PIK3C2A: variants seen among roughly 807,000 people sequenced by gnomAD.
The protein encoded by PIK3C2A is phosphatidylinositol-4-phosphate 3-kinase catalytic subunit type 2 alpha, also known as phosphatidylinositol 4-phosphate 3-kinase C2 domain-containing subunit alpha.
PIK3C2A carries 97 observed loss-of-function variants against 204.5 expected under a neutral mutation model. That is an observed-to-expected ratio of 0.47 (90% CI 0.40 to 0.56). PIK3C2A has a LOEUF of 0.56. Ranked by LOEUF, PIK3C2A falls within the 20% of genes least tolerant of loss-of-function variation. PIK3C2A has a pLI of 0.00. For synonymous variants in PIK3C2A, 653 were observed against 664.4 expected, an observed-to-expected ratio of 0.98 and a Z score of 0.26; for missense variants, 1,735 against 1,969.2, an observed-to-expected ratio of 0.88 and a Z score of 2.25.
Position 17,202,340 on chromosome 11 carries a change from G to A in PIK3C2A, c.-66+5508C>T, listed in dbSNP as rs532349021. ...GGTGGCTTATGCCTGTAATCTCAGC[G>A]CTTTAGGAGGCCAAGGTGGGCCCAG... On this transcript the variant is annotated intron_variant, in intron 1 of 32. Coordinates refer to ENST00000691414, the MANE Select transcript of PIK3C2A (RefSeq NM_002645.4). Among the ~76,000 whole-genome samples, 169 of 151,638 alleles carry A rather than the reference G, an allele frequency of 1.1e-3. 2 individuals carry two copies. The highest frequency in any genetic ancestry group is 6.9e-3 in the Middle Eastern group (2 of 288).
intron 3 of PIK3C2A, among the ~76,000 whole-genome samples, chr11:17,153,857 T>C (rs562708681): frequency 6.6e-6 from 1 of 152,254 alleles, no homozygotes; most frequent in East Asian, 1.9e-4. Flanking sequence ...CACTGCAAAA[T>C]GAGCACAATG....
rs1179020485 is a variant in PIK3C2A, at chr11:17,114,381, C to T, written c.3301G>A (p.Ala1101Thr). The T allele has an allele frequency of 2.6e-6, 4 of 1,527,094 alleles. No individual in the cohort carries two copies. The East Asian group carries it at 6.8e-5, about 26-fold the overall frequency. 94.6% of individuals were successfully genotyped at this position (1,527,094 alleles called of 1,614,324 possible). A position where few individuals can be genotyped will look rare whatever the true frequency, so the allele number is the denominator to read the frequency against. Reference protein sequence around the residue: ...CRLPLKPSLVAKELNIKSCSF... With the variant: ...CRLPLKPSLVTKELNIKSCSF... ...GTCACCTTAATATTTAATTCTTTTG[C>T]CACTAGACTTGGCTTGAGAGGGAGA... Residue 1101 changes from alanine to threonine, a missense_variant, in exon 20 of 33, where the codon GCA becomes ACA. Around this residue, in one of 6 missense-constraint regions of PIK3C2A, gnomAD observed 567 missense variants for 576.0 expected, o/e 0.98. Coordinates refer to ENST00000691414, the MANE Select transcript of PIK3C2A (RefSeq NM_002645.4).
At chr11:17,171,851 G>C (rs542012059) in intron 1 of PIK3C2A, among the ~76,000 whole-genome samples, 6 of 152,244 alleles carry the variant, frequency 3.9e-5, no homozygotes, top group African/African-American at 1.4e-4. Flanking sequence ...CCTCAAGCAA[G>C]CCTCCTGCCT....
chr11:17,132,315 A>ATTTTTTTTTT (rs11307715), intron 11 of PIK3C2A, among the ~76,000 whole-genome samples: 1 of 78,810 alleles, frequency 1.3e-5, no homozygotes, highest in Admixed American at 1.7e-4. Flanking sequence ...ATTAACTTTA[A>ATTTTTTTTTT]TTTTTTTTTT....
chr11:17,203,792 G>A lies in PIK3C2A; in HGVS notation c.-66+4056C>T, dbSNP rs1436275482. ...CTAGGCTCAAGAGATCCTCCTGCTG[G>A]CAGGGTACAGTGGCTCACGCCTGTA... On this transcript the variant is annotated intron_variant, in intron 1 of 32. Transcript: ENST00000691414. Among the ~76,000 whole-genome samples the A allele has an allele frequency of 5.9e-5, 9 of 152,248 alleles. 1 individual carries two copies. In the South Asian group the frequency reaches 1.5e-3, roughly 25 times the overall value.
chr11:17,169,077 T>C lies in PIK3C2A; in HGVS notation c.665A>G (p.Asp222Gly). The change falls in exon 2 of 33, where the codon GAC (aspartate) becomes GGC (glycine). Residue 222 changes from aspartate (D) to glycine (G), a missense_variant. Physicochemically the swap from Asp to Gly is moderately conservative, Grantham distance 94. Coordinates refer to ENST00000691414, the MANE Select transcript of PIK3C2A (RefSeq NM_002645.4). ...TATTTTGTCAAATAGTTTTGCCATG[T>C]CAGTACTGACTACTGGACGATAGAT... ...LPIYRPVVST[D>G]MAKLFDKIAS... 1.9e-6 allele frequency: 3 copies of C among 1,614,224 alleles called. No homozygotes were observed. The highest frequency in any genetic ancestry group is 2.5e-6 in the Non-Finnish European group (3 of 1,180,042).
rs181573313 is a variant in PIK3C2A, at chr11:17,166,934, A to G, written c.1065+1743T>C. Among the ~76,000 whole-genome samples the G allele has an allele frequency of 1.5e-4, 23 of 152,314 alleles. 1 individual carries two copies. The East Asian group carries it at 4.4e-3, about 29-fold the overall frequency. On this transcript the variant is annotated intron_variant, in intron 2 of 32. Coordinates refer to ENST00000691414, the MANE Select transcript of PIK3C2A (RefSeq NM_002645.4). ...AATCCAGCAGTGACCTGGGCCCTGC[A>G]GGATGGGAAAATTAGGGGGACCAGT... is the stretch of plus-strand genomic sequence containing the variant.
intron 12 of PIK3C2A, among the ~76,000 whole-genome samples, chr11:17,131,078 C>T (rs1345580108): frequency 1.3e-5 from 2 of 152,080 alleles, no homozygotes; most frequent in African/African-American, 4.8e-5. Flanking sequence ...ATCCCAGTTA[C>T]TCAGGAGGCT....
chr11:17,112,704 G>A, intron 20 of PIK3C2A, 38 bp from the exon 21 acceptor site: 1 of 1,093,698 alleles, frequency 9.1e-7, no homozygotes. Flanking sequence ...AAAGATAAAT[G>A]AAAATGGATT....
chr11:17,183,327 T>A (rs1471682958), intron 1 of PIK3C2A, among the ~76,000 whole-genome samples: 2 of 152,224 alleles, frequency 1.3e-5, no homozygotes, highest in Admixed American at 1.3e-4. Context: ...AGTATACTGT[T>A]ATAATTATTC....
intron 1 of PIK3C2A, among the ~76,000 whole-genome samples, chr11:17,199,886 C>T (rs562053890): frequency 1.5e-5 from 2 of 136,606 alleles, no homozygotes; most frequent in Non-Finnish European, 3.0e-5. Flanking sequence ...CGTGCCACTA[C>T]ATTCCAGCCT....
At chr11:17,202,283 G>A (rs1224626605) in intron 1 of PIK3C2A, among the ~76,000 whole-genome samples, 5 of 148,608 alleles carry the variant, frequency 3.4e-5, no homozygotes, top group African/African-American at 9.9e-5. Flanking sequence ...AAAGAAAGAA[G>A]GAAGAAAAGA....
chr11:17,136,692 G>C, intron 8 of PIK3C2A, 67 bp from the exon 9 acceptor site: 1 of 818,044 alleles, frequency 1.2e-6, no homozygotes. Context: ...CAGAGACGAA[G>C]TCAGAAACTA....
intron 8 of PIK3C2A, among the ~76,000 whole-genome samples, chr11:17,141,901 T>A (rs146634109): frequency 1.1e-3 from 173 of 152,326 alleles, no homozygotes; most frequent in African/African-American, 4.0e-3. Context: ...ATGTATAAGA[T>A]CTTTTTCTTG....
At chr11:17,143,251 C>CG (rs1216520427) in intron 8 of PIK3C2A, among the ~76,000 whole-genome samples, 1 of 152,184 alleles carries the variant, frequency 6.6e-6, no homozygotes, top group African/African-American at 2.4e-5. Context: ...CACATCTCAT[C>CG]ACCTATTAAA....
At chr11:17,126,152 T>G (rs1565259249) in intron 13 of PIK3C2A, among the ~76,000 whole-genome samples, 1 of 151,936 alleles carries the variant, frequency 6.6e-6, no homozygotes, top group Admixed American at 6.6e-5. Context: ...CAAAAAAAAC[T>G]TTGCCACCTC....
intron 1 of PIK3C2A, among the ~76,000 whole-genome samples, chr11:17,200,083 G>C (rs1431505033): frequency 6.6e-6 from 1 of 151,950 alleles, no homozygotes; most frequent in Non-Finnish European, 1.5e-5. Context: ...CTACTCAGGA[G>C]GATGAGGCAC....
intron 2 of PIK3C2A, among the ~76,000 whole-genome samples, chr11:17,158,793 A>T (rs1565280999): frequency 1.3e-5 from 2 of 152,092 alleles, no homozygotes; most frequent in South Asian, 2.1e-4. Flanking sequence ...TTTAGGATTT[A>T]AAAAAAATAA....
chr11:17,168,637 GTTAT>G (rs1851052318), intron 2 of PIK3C2A, 36 bp downstream of exon 2: 1 of 1,263,942 alleles, frequency 7.9e-7, no homozygotes, highest in Admixed American at 2.3e-5. Context: ...TGAACTCTGT[GTTAT>G]ACTAAGTTTG....
Sources: allele counts gnomAD v4.1 joint callset (sites outside exome capture counted in the v4.1 genomes callset), GRCh38; gene constraint gnomAD v4.1.1; regional missense constraint gnomAD v4.1.1; transcripts MANE v1.5; gene names NCBI Gene and HGNC (gene_info 2026-07-23, HGNC 2026-07-21).